CDH13: variants seen among roughly 807,000 people sequenced by gnomAD.
The protein encoded by CDH13 is cadherin 13.
CDH13 carries 24 observed loss-of-function variants against 63.8 expected under a neutral mutation model. The observed-to-expected ratio is 0.38, with a 90% CI of 0.27 to 0.53. The LOEUF is 0.53. CDH13 is among the 20% of genes least tolerant of loss of function. The pLI, the probability that CDH13 is intolerant of heterozygous loss-of-function variation, is 0.85. For missense variants in CDH13, 1,049 were observed against 903.1 expected, an observed-to-expected ratio of 1.16 and a Z score of -2.07; for synonymous variants, 503 against 355.3, an observed-to-expected ratio of 1.42 and a Z score of -4.67.
At chr16:83,785,803 A>G (rs1915840441) in intron 13 of CDH13, among the ~76,000 whole-genome samples, 1 of 152,244 alleles carries the variant, frequency 6.6e-6, no homozygotes. Context: ...GGCAGCTTAG[A>G]CATTTGTCCA....
intron 3 of CDH13, among the ~76,000 whole-genome samples, chr16:83,104,600 A>T (rs1385402119): frequency 6.6e-6 from 1 of 151,992 alleles, no homozygotes; most frequent in Non-Finnish European, 1.5e-5. Flanking sequence ...GCTTCAGTGA[A>T]AGAAGAAATG....
intron 6 of CDH13, among the ~76,000 whole-genome samples, chr16:83,417,531 A>T (rs981457848): frequency 6.6e-6 from 1 of 152,076 alleles, no homozygotes; most frequent in African/African-American, 2.4e-5. Flanking sequence ...GCTCACTGAC[A>T]CCTCAGTTGC....
In CDH13 at chr16:83,795,992, G is replaced by A. The variant is rs899413423; in HGVS notation, c.*962G>A. On this transcript the variant is annotated 3_prime_UTR_variant, in exon 14 of 14. Coordinates refer to ENST00000567109, the MANE Select transcript of CDH13 (RefSeq NM_001257.5). ...CTTGTATACACATATATACCCACAT[G>A]TACAGACATACATTTATGCACATTC... 6.6e-6 allele frequency: 1 copy of A among 152,564 alleles called. No individual in the cohort carries two copies. The highest frequency in any genetic ancestry group is 6.5e-5 in the Admixed American group (1 of 15,280). 9.5% of individuals were successfully genotyped at this position (152,564 alleles called of 1,614,324 possible).
At chr16:83,009,279 G>C (rs1266001732) in intron 2 of CDH13, among the ~76,000 whole-genome samples, 7 of 152,232 alleles carry the variant, frequency 4.6e-5, no homozygotes, top group Non-Finnish European at 1.0e-4. Flanking sequence ...CAGTGACACA[G>C]AAAACCAGTG....
intron 3 of CDH13, among the ~76,000 whole-genome samples, chr16:83,093,877 A>G (rs937952250): frequency 9.8e-5 from 15 of 152,362 alleles, no homozygotes; most frequent in African/African-American, 3.4e-4. Flanking sequence ...GCAATAGTAT[A>G]TGATAAGAAG....
intron 7 of CDH13, among the ~76,000 whole-genome samples, chr16:83,591,109 C>A (rs1906701913): frequency 6.6e-6 from 1 of 151,830 alleles, no homozygotes; most frequent in African/African-American, 2.4e-5. Context: ...TGGGGGTTCA[C>A]CAGGTTGGCC....
chr16:83,011,651 T>C (rs898798865), intron 2 of CDH13, among the ~76,000 whole-genome samples: 5 of 152,184 alleles, frequency 3.3e-5, no homozygotes, highest in Non-Finnish European at 5.9e-5. Context: ...CCACTGAGGG[T>C]TCGGGGACCA....
intron 5 of CDH13, among the ~76,000 whole-genome samples, chr16:83,224,758 C>T (rs1261062280): frequency 6.6e-6 from 1 of 152,218 alleles, no homozygotes; most frequent in Non-Finnish European, 1.5e-5. Flanking sequence ...TCTGTTTTCT[C>T]ATTTTTAGAA....
chr16:83,272,019 T>G (rs2088834670), intron 5 of CDH13, among the ~76,000 whole-genome samples: 1 of 152,220 alleles, frequency 6.6e-6, no homozygotes, highest in African/African-American at 2.4e-5. Flanking sequence ...AAAGTGTTTT[T>G]CATCCATTAT....
chr16:82,743,208 A>G (rs1427260292), intron 1 of CDH13, among the ~76,000 whole-genome samples: 1 of 152,140 alleles, frequency 6.6e-6, no homozygotes, highest in Non-Finnish European at 1.5e-5. Flanking sequence ...GAACATTTTA[A>G]TAATTGTAGA....
chr16:83,590,714 T>G (rs186984251), intron 7 of CDH13, among the ~76,000 whole-genome samples: 26 of 152,320 alleles, frequency 1.7e-4, no homozygotes, highest in Admixed American at 1.4e-3. Context: ...AGGGTACATC[T>G]TGACCTGCAT....
chr16:83,431,965 G>A (rs79769659), intron 6 of CDH13, among the ~76,000 whole-genome samples: 3,796 of 152,208 alleles, frequency 0.025, 54 homozygotes, highest in East Asian at 0.057. Context: ...GAGGAAAGAG[G>A]GATTCATGTT....
intron 4 of CDH13, among the ~76,000 whole-genome samples, chr16:83,214,350 C>G (rs1242454523): frequency 6.6e-6 from 1 of 151,770 alleles, no homozygotes; most frequent in Non-Finnish European, 1.5e-5. Flanking sequence ...GAGGCTGAGG[C>G]GGGTGGATCA....
At chr16:83,670,738 A>C (rs1034376347) in intron 8 of CDH13, 52 bp from the exon 9 acceptor site, 1 of 1,527,160 alleles carries the variant, frequency 6.5e-7, no homozygotes, top group Non-Finnish European at 9.1e-7. Flanking sequence ...GCATGTAGTA[A>C]ATGACTATGT....
chr16:83,112,339 A>G (rs1192689400), intron 3 of CDH13, among the ~76,000 whole-genome samples: 1 of 152,216 alleles, frequency 6.6e-6, no homozygotes, highest in Non-Finnish European at 1.5e-5. Flanking sequence ...ATCTATCCTA[A>G]AGCAAGCAAA....
chr16:83,533,303 C>T (rs762770698), intron 7 of CDH13, among the ~76,000 whole-genome samples: 1 of 152,150 alleles, frequency 6.6e-6, no homozygotes, highest in African/African-American at 2.4e-5. Flanking sequence ...CAGCGTGACT[C>T]GCAACCTCAC....
intron 1 of CDH13, among the ~76,000 whole-genome samples, chr16:82,793,920 G>C (rs973336474): frequency 1.3e-5 from 2 of 152,118 alleles, no homozygotes; most frequent in Non-Finnish European, 2.9e-5. Context: ...ATTTAAGTAA[G>C]TGAGACAGTG....
chr16:83,799,473 C>A lies in CDH13; in HGVS notation c.*4443C>A, dbSNP rs1010263923. 3.9e-5 allele frequency: 6 copies of A among 152,126 alleles called. No individual in the cohort carries two copies. In the East Asian group the frequency reaches 9.6e-4, roughly 24 times the overall value. The allele number at this position is 152,126 out of a possible 1,614,324, so 9.4% of individuals were successfully genotyped here. On this transcript the variant is annotated 3_prime_UTR_variant, in exon 14 of 14. Transcript: ENST00000567109. ...TTCAAAGGGGCAAATTCTAAAGGATCTCTAAGTAGTTGCTGATTTTGTAAA... is the reference window on the plus strand; with the variant it reads ...TTCAAAGGGGCAAATTCTAAAGGATATCTAAGTAGTTGCTGATTTTGTAAA...
intron 1 of CDH13, among the ~76,000 whole-genome samples, chr16:82,848,557 G>A (rs1481658896): frequency 6.9e-6 from 1 of 145,018 alleles, no homozygotes; most frequent in Non-Finnish European, 1.5e-5. Context: ...GACCTTTGAT[G>A]TTACTATTGT....
Sources: allele counts gnomAD v4.1 joint callset (sites outside exome capture counted in the v4.1 genomes callset), GRCh38; gene constraint gnomAD v4.1.1; transcripts MANE v1.5; gene names NCBI Gene and HGNC (gene_info 2026-07-23, HGNC 2026-07-21).